The following SMYD3 variants were observed in gnomAD, a reference collection of about 807,000 sequenced individuals.
SMYD3 encodes the protein SET and MYND domain containing 3, also known as histone-lysine N-methyltransferase SMYD3.
Under a neutral mutation model 57.7 loss-of-function variants are expected in SMYD3, and 36 were observed. That is an observed-to-expected ratio of 0.62 (90% CI 0.48 to 0.82). The LOEUF is 0.82. Among genes scored for constraint, SMYD3 ranks in the 40% least tolerant of loss-of-function variants. The pLI is 0.00. For missense variants in SMYD3, 515 were observed against 538.8 expected, an observed-to-expected ratio of 0.96 and a Z score of 0.44; for synonymous variants, 211 against 195.0, an observed-to-expected ratio of 1.08 and a Z score of -0.68.
intron 5 of SMYD3, among the ~76,000 whole-genome samples, chr1:246,090,518 C>CT (rs143885627): frequency 0.5 from 60,201 of 121,294 alleles, 16,201 homozygotes; most frequent in Non-Finnish European, 0.64. Context: ...TTCTTTCTCT[C>CT]TCTCTTTTTT....
intron 5 of SMYD3, among the ~76,000 whole-genome samples, chr1:246,095,289 G>A (rs1226363729): frequency 3.3e-5 from 5 of 152,272 alleles, no homozygotes; most frequent in Admixed American, 6.5e-5. Context: ...TGGCCATTTC[G>A]TATCTCTTCA....
At chr1:245,776,718 C>G (rs1036511556) in intron 10 of SMYD3, among the ~76,000 whole-genome samples, 1 of 152,176 alleles carries the variant, frequency 6.6e-6, no homozygotes, top group Admixed American at 6.5e-5. Context: ...GAGATGTTCT[C>G]TTCTTTGAAG....
At chr1:246,471,888 A>T (rs376755847) in intron 1 of SMYD3, among the ~76,000 whole-genome samples, 9 of 152,252 alleles carry the variant, frequency 5.9e-5, no homozygotes, top group African/African-American at 2.2e-4. Context: ...TTAAAAGCTA[A>T]TTAGCAGGAA....
chr1:246,262,769 G>T (rs143219684), intron 5 of SMYD3, among the ~76,000 whole-genome samples: 1 of 152,226 alleles, frequency 6.6e-6, no homozygotes, highest in East Asian at 1.9e-4. Flanking sequence ...CATTTACATA[G>T]AAATTTGGGT....
chr1:246,245,602 G>A (rs1193107054), intron 5 of SMYD3, among the ~76,000 whole-genome samples: 1 of 142,178 alleles, frequency 7.0e-6, no homozygotes, highest in African/African-American at 2.6e-5. Context: ...CAAAACAAAA[G>A]TAAAAAAAAA....
chr1:245,916,398 C>T (rs1242149923), intron 7 of SMYD3, among the ~76,000 whole-genome samples: 3 of 152,158 alleles, frequency 2.0e-5, no homozygotes, highest in Non-Finnish European at 2.9e-5. Context: ...GAGCATTTTG[C>T]ACTTGATTAG....
chr1:246,327,580 T>C (rs1478387683), intron 4 of SMYD3, among the ~76,000 whole-genome samples: 1 of 152,232 alleles, frequency 6.6e-6, no homozygotes, highest in African/African-American at 2.4e-5. Context: ...AGTACGCACA[T>C]ATATGAAAAA....
chr1:246,488,677 C>T (rs1031375952), intron 1 of SMYD3, among the ~76,000 whole-genome samples: 2 of 152,174 alleles, frequency 1.3e-5, no homozygotes, highest in African/African-American at 4.8e-5. Flanking sequence ...CACAGTGAGA[C>T]TCCGTCTCAA....
At chr1:246,163,444 A>T (rs2062155169) in intron 5 of SMYD3, among the ~76,000 whole-genome samples, 1 of 152,218 alleles carries the variant, frequency 6.6e-6, no homozygotes, top group African/African-American at 2.4e-5. Context: ...ATTCACTACG[A>T]GGCCATTCTA....
chr1:246,309,548 G>C (rs946639363), intron 5 of SMYD3, among the ~76,000 whole-genome samples: 1 of 152,176 alleles, frequency 6.6e-6, no homozygotes, highest in Non-Finnish European at 1.5e-5. Flanking sequence ...CTCATACTCT[G>C]TGTCTACTGT....
At chr1:246,215,505 C>A (rs2063150890) in intron 5 of SMYD3, among the ~76,000 whole-genome samples, 1 of 152,046 alleles carries the variant, frequency 6.6e-6, no homozygotes, top group African/African-American at 2.4e-5. Context: ...ACATTAAATT[C>A]TTCAAGTCTT....
intron 10 of SMYD3, among the ~76,000 whole-genome samples, chr1:245,815,270 G>C (rs1185087738): frequency 2.6e-5 from 4 of 152,236 alleles, no homozygotes; most frequent in African/African-American, 7.2e-5. Flanking sequence ...GAACGTGATA[G>C]TGGCAGAGCC....
At chr1:246,285,804 A>G (rs2064549160) in intron 5 of SMYD3, among the ~76,000 whole-genome samples, 1 of 152,192 alleles carries the variant, frequency 6.6e-6, no homozygotes, top group Admixed American at 6.5e-5. Flanking sequence ...CAAGAAAAAA[A>G]CAATCTCACC....
At chr1:246,219,369 C>T (rs1172424093) in intron 5 of SMYD3, among the ~76,000 whole-genome samples, 2 of 152,128 alleles carry the variant, frequency 1.3e-5, no homozygotes, top group African/African-American at 4.8e-5. Context: ...CGGGGTAACT[C>T]TGGAGAAGAA....
chr1:246,198,442 A>G (rs1187428492), intron 5 of SMYD3, among the ~76,000 whole-genome samples: 5 of 152,258 alleles, frequency 3.3e-5, no homozygotes, highest in Non-Finnish European at 7.3e-5. Flanking sequence ...TCATAAGCAA[A>G]AAGAGCAGTA....
intron 1 of SMYD3, among the ~76,000 whole-genome samples, chr1:246,455,779 A>T (rs4654259): frequency 0.21 from 32,362 of 152,228 alleles, 3,632 homozygotes; most frequent in Middle Eastern, 0.29. Context: ...TCTGAAAAGG[A>T]TTCTTGGAAA....
intron 5 of SMYD3, among the ~76,000 whole-genome samples, chr1:245,973,789 C>G (rs771282853): frequency 2.0e-5 from 3 of 152,148 alleles, no homozygotes; most frequent in Non-Finnish European, 4.4e-5. Flanking sequence ...AGGAAATCTA[C>G]CTATATGAGT....
intron 7 of SMYD3, among the ~76,000 whole-genome samples, chr1:245,917,959 G>A (rs970036331): frequency 3.3e-5 from 5 of 152,158 alleles, no homozygotes; most frequent in African/African-American, 9.7e-5. Context: ...TCATAGTAGG[G>A]CAAAGGCAGC....
intron 1 of SMYD3, among the ~76,000 whole-genome samples, chr1:246,398,253 C>A (rs895087626): frequency 1.5e-4 from 23 of 152,336 alleles, no homozygotes; most frequent in African/African-American, 5.3e-4. Flanking sequence ...CAGCTTCAGT[C>A]CCTGAGCAAG....
Sources: gnomAD v4.1 joint callset for allele counts (sites outside exome capture counted in the v4.1 genomes callset) on GRCh38, gnomAD v4.1.1 for gene constraint, MANE v1.5 for transcripts, NCBI Gene and HGNC (gene_info 2026-07-23, HGNC 2026-07-21) for gene names.